Variants in USPL1 observed in about 807,000 individuals in gnomAD.
USPL1 encodes the protein ubiquitin specific peptidase like 1, also known as SUMO-specific isopeptidase USPL1.
USPL1 carries 27 observed loss-of-function variants against 51.5 expected under a neutral mutation model. That is an observed-to-expected ratio of 0.52 (90% CI 0.39 to 0.72). The LOEUF is 0.72. Among genes scored for constraint, USPL1 ranks in the 30% least tolerant of loss-of-function variants. The pLI is 0.00. For synonymous variants in USPL1, 451 were observed against 459.6 expected, an observed-to-expected ratio of 0.98 and a Z score of 0.24; for missense variants, 1,226 against 1,268.0, an observed-to-expected ratio of 0.97 and a Z score of 0.50.
At chr13:30,621,919 T>A (rs1950652040) in intron 3 of USPL1, 27 bp downstream of exon 3, 1 of 1,356,450 alleles carries the variant, frequency 7.4e-7, no homozygotes, top group African/African-American at 1.5e-5. Flanking sequence ...ATATAGTATA[T>A]ATAAGATTTT....
At chr13:30,634,177 A>G (rs1214785718) in intron 4 of USPL1, among the ~76,000 whole-genome samples, 2 of 152,198 alleles carry the variant, frequency 1.3e-5, no homozygotes, top group East Asian at 1.9e-4. Context: ...TTGCTTGAAC[A>G]CAAGCACTGC....
chr13:30,626,163 A>G (rs533331458), intron 3 of USPL1, among the ~76,000 whole-genome samples: 1 of 152,226 alleles, frequency 6.6e-6, no homozygotes, highest in South Asian at 2.1e-4. Context: ...TAAAAATACA[A>G]AATAGCCGGG....
chr13:30,629,096 T>C (rs1341073268), intron 3 of USPL1, among the ~76,000 whole-genome samples: 1 of 152,158 alleles, frequency 6.6e-6, no homozygotes, highest in East Asian at 1.9e-4. Flanking sequence ...TCATAGTAAG[T>C]GCAGTATTAT....
At chr13:30,637,691 G>T in intron 4 of USPL1, 53 bp from the exon 5 acceptor site, 1 of 1,399,230 alleles carries the variant, frequency 7.1e-7, no homozygotes. Flanking sequence ...TCAGTTTTCT[G>T]TGGGAAGATA....
chr13:30,636,345 G>A (rs975411882), intron 4 of USPL1, among the ~76,000 whole-genome samples: 1 of 151,406 alleles, frequency 6.6e-6, no homozygotes, highest in African/African-American at 2.4e-5. Flanking sequence ...ACTTTGCAAT[G>A]TAAGTTTTTT....
chr13:30,626,881 A>G (rs1950723970), intron 3 of USPL1, among the ~76,000 whole-genome samples: 1 of 152,232 alleles, frequency 6.6e-6, no homozygotes, highest in South Asian at 2.1e-4. Context: ...AATTTATAAT[A>G]AAAATTTTAA....
chr13:30,654,940 A>G (rs980506610), intron 8 of USPL1, among the ~76,000 whole-genome samples: 6 of 151,396 alleles, frequency 4.0e-5, no homozygotes, highest in African/African-American at 1.5e-4. Flanking sequence ...GATCATATAT[A>G]TATGTTTTTT....
chr13:30,623,688 G>A (rs890211113), intron 3 of USPL1, among the ~76,000 whole-genome samples: 1 of 152,178 alleles, frequency 6.6e-6, no homozygotes, highest in African/African-American at 2.4e-5. Context: ...GGGGCAAGTA[G>A]CTGGAAAGAC....
In USPL1 at chr13:30,659,530, A is replaced by G. The variant is rs938387297; in HGVS notation, c.*174A>G. 6.0e-5 allele frequency: 33 copies of G among 545,966 alleles called. No homozygotes were observed. In the Middle Eastern group the frequency reaches 1.5e-3, roughly 24 times the overall value. The allele number at this position is 545,966 out of a possible 1,614,324, so 33.8% of individuals were successfully genotyped here. On this transcript the variant is annotated 3_prime_UTR_variant, in exon 9 of 9. Coordinates refer to ENST00000255304, the MANE Select transcript of USPL1 (RefSeq NM_005800.5). ...ATGAAGCATGTAATCTTTCTTACAC[A>G]TTAAAATCACTGAATGTGTTCTCCT... is the stretch of plus-strand genomic sequence containing the variant.
rs139504302 is a variant in USPL1 at position 30,641,619 on chromosome 13, C to G, written c.983-1009C>G. On this transcript the variant is annotated intron_variant, in intron 5 of 8. Transcript: ENST00000255304. ...TAGATTCTCCTGCTTACCTTACTTT[C>G]CAGTCTCAAAGCTGGAAGCCAGCAT... Among the ~76,000 whole-genome samples the G allele has an allele frequency of 4.1e-3, 625 of 152,348 alleles. 5 individuals carry two copies. Among genetic ancestry groups the G allele is most frequent in the Middle Eastern group, 0.017 (5 of 294 alleles).
chr13:30,638,138 G>T (rs111312813), intron 5 of USPL1, among the ~76,000 whole-genome samples: 2 of 152,172 alleles, frequency 1.3e-5, no homozygotes, highest in Non-Finnish European at 2.9e-5. Context: ...TCTCTAGTAC[G>T]TTTCCTAGTA....
chr13:30,658,003 A>G lies in USPL1; in HGVS notation c.1926A>G (p.Glu642=). The change falls in exon 9 of 9, where the codon GAA becomes GAG. Residue 642 remains glutamate (E), a synonymous_variant. Coordinates refer to ENST00000255304, the MANE Select transcript of USPL1 (RefSeq NM_005800.5). ...CTTCAGTATCAGCTCCATGTAATGA[A>G]AAGCTTATTCAAGACCAATTTGTGG... ...MASSVSAPCN[E]KLIQDQFVDI... 6.2e-7 allele frequency: 1 copy of G among 1,613,434 alleles called. No homozygotes were observed. The highest frequency in any genetic ancestry group is 8.5e-7 in the Non-Finnish European group (1 of 1,179,998).
chr13:30,656,920 C>G (rs188182257), intron 8 of USPL1, among the ~76,000 whole-genome samples: 1 of 151,446 alleles, frequency 6.6e-6, no homozygotes, highest in African/African-American at 2.4e-5. Context: ...CCTTCTTACT[C>G]CTCATTCATG....
chr13:30,654,700 T>G (rs1951137253), intron 8 of USPL1, among the ~76,000 whole-genome samples: 1 of 152,120 alleles, frequency 6.6e-6, no homozygotes, highest in Non-Finnish European at 1.5e-5. Flanking sequence ...TGAACGGTTT[T>G]GTTTTGTGTG....
rs1950641202 is a variant in USPL1, at chr13:30,621,106, T to A, written c.-35T>A. The A allele has an allele frequency of 1.9e-6, 3 of 1,556,066 alleles. No individual in the cohort carries two copies. Among genetic ancestry groups the A allele is most frequent in the Non-Finnish European group, 2.6e-6 (3 of 1,139,906 alleles). ...GAAAAAATCCTTAGTGATATTGACA[T>A]GTCTCAAGTGACATAAATTAGCCAA... On this transcript the variant is annotated 5_prime_UTR_variant, in exon 2 of 9. The change abolishes an upstream ATG in the 5' untranslated region. Coordinates refer to ENST00000255304, the MANE Select transcript of USPL1 (RefSeq NM_005800.5).
chr13:30,657,339 A>G, intron 8 of USPL1, 135 bp from the exon 9 acceptor site: 1 of 875,972 alleles, frequency 1.1e-6, no homozygotes, highest in Non-Finnish European at 1.7e-6. Context: ...CAATGGTGAC[A>G]AGGTCAAGAA....
At chr13:30,646,233 A>C (rs779643208) in intron 6 of USPL1, among the ~76,000 whole-genome samples, 1 of 152,208 alleles carries the variant, frequency 6.6e-6, no homozygotes, top group Non-Finnish European at 1.5e-5. Context: ...TTTAGTGTAC[A>C]TCTTTAAAGG....
Position 30,659,466 on chromosome 13 carries a change from C to A in USPL1, c.*110C>A. The A allele has an allele frequency of 9.8e-7, 1 of 1,015,386 alleles. No individual in the cohort carries two copies. Among genetic ancestry groups the A allele is most frequent in the Non-Finnish European group, 1.4e-6 (1 of 728,874 alleles). The allele number at this position is 1,015,386 out of a possible 1,614,324, so 62.9% of individuals were successfully genotyped here. On this transcript the variant is annotated 3_prime_UTR_variant, in exon 9 of 9. Coordinates refer to ENST00000255304, the MANE Select transcript of USPL1 (RefSeq NM_005800.5). ...ACTTGTGTAATTACTTGTGTAATAA[C>A]CATGAACAAAATGCAAGGTTTAACC...
intron 5 of USPL1, among the ~76,000 whole-genome samples, chr13:30,638,870 T>C (rs1352468929): frequency 6.7e-6 from 1 of 149,990 alleles, no homozygotes; most frequent in Admixed American, 6.6e-5. Flanking sequence ...TTATAAAATA[T>C]GATATTTTAT....
Sources: allele counts gnomAD v4.1 joint callset (sites outside exome capture counted in the v4.1 genomes callset), GRCh38; gene constraint gnomAD v4.1.1; transcripts MANE v1.5; gene names NCBI Gene and HGNC (gene_info 2026-07-23, HGNC 2026-07-21).